Variants in ATXN1 observed in about 807,000 individuals in gnomAD.
ATXN1 encodes the protein ataxin 1, also known as ataxin-1.
ATXN1 carries 8 observed loss-of-function variants against 56.4 expected under a neutral mutation model. That is an observed-to-expected ratio of 0.14 (90% CI 0.08 to 0.26). The LOEUF (loss-of-function observed/expected upper bound fraction) is 0.26, where lower values mean the gene tolerates loss of function less well. ATXN1 is among the 10% of genes least tolerant of loss of function. The pLI is 1.00. For synonymous variants in ATXN1, 514 were observed against 494.6 expected, an observed-to-expected ratio of 1.04 and a Z score of -0.52; for missense variants, 987 against 1,106.5, an observed-to-expected ratio of 0.89 and a Z score of 1.53.
chr6:16,563,276 A>G (rs1442427984), intron 4 of ATXN1, among the ~76,000 whole-genome samples: 1 of 152,148 alleles, frequency 6.6e-6, no homozygotes, highest in Non-Finnish European at 1.5e-5. Context: ...TAGAAAAGCA[A>G]TGATGACTCT....
At position 16,486,032 on chromosome 6, in the gene ATXN1, C is replaced by G. The variant is rs552308928; in HGVS notation, c.-221G>C. The G allele has an allele frequency of 1.3e-5, 2 of 152,246 alleles. No homozygotes were observed. Among genetic ancestry groups the G allele is most frequent in the South Asian group, 4.2e-4 (2 of 4,806 alleles). 9.4% of individuals were successfully genotyped at this position (152,246 alleles called of 1,614,324 possible). A position where few individuals can be genotyped will look rare whatever the true frequency, so the allele number is the denominator to read the frequency against. On this transcript the variant is annotated 5_prime_UTR_variant, in exon 6 of 8. Transcript: ENST00000436367. ...CCTATACTTCACCATGGAGACTTCCCACAGGCTCTGGAGGGCTCCTGAGGG... is the reference window on the plus strand; with the variant it reads ...CCTATACTTCACCATGGAGACTTCCGACAGGCTCTGGAGGGCTCCTGAGGG...
rs544480269 is a variant in ATXN1, at chr6:16,756,473, A to G, written c.-729-3126T>C. On this transcript the variant is annotated intron_variant, in intron 1 of 7. Transcript: ENST00000436367. ...TTATTATTTCTATTACCATTTCTAC[A>G]ATGTATTGCTTTCAATGCTTTTATC... Among the ~76,000 whole-genome samples, 3 of 152,324 alleles carry G rather than the reference A, an allele frequency of 2.0e-5. 1 individual carries two copies. Among genetic ancestry groups the G allele is most frequent in the African/African-American group, 7.2e-5 (3 of 41,578 alleles).
intron 5 of ATXN1, among the ~76,000 whole-genome samples, chr6:16,519,923 G>A (rs1000585716): frequency 3.9e-5 from 6 of 152,318 alleles, no homozygotes; most frequent in Middle Eastern, 3.4e-3. Flanking sequence ...ACAGGCCCCA[G>A]GAGGGGAAAG....
intron 6 of ATXN1, among the ~76,000 whole-genome samples, chr6:16,440,570 G>A (rs1455947672): frequency 6.9e-6 from 1 of 145,630 alleles, no homozygotes. Context: ...GAACCCAGGA[G>A]CCAGAGGTTG....
At position 16,326,846 on chromosome 6, in the gene ATXN1, G is replaced by T; in HGVS notation, c.1465C>A (p.Pro489Thr). The change falls in exon 7 of 8, where the codon CCC (proline) becomes ACC (threonine). Residue 489 changes from proline (P) to threonine (T), a missense_variant. Physicochemically the swap from Pro to Thr is conservative, Grantham distance 38. Around this residue, in one of 3 missense-constraint regions of ATXN1, gnomAD observed 723 missense variants for 791.7 expected, o/e 0.91. Transcript: ENST00000436367. The surrounding 1 kb of genome is among the most constrained non-coding windows in gnomAD (Gnocchi z 6.6). ...PQHLVIPGTQ[P>T]LLIPVGSTDM... The stretch of plus-strand genomic sequence containing the variant: ...GTGCTGCCGACCGGGATGAGCAGGG[G>T]CTGTGTGCCGGGGATCACCAGGTGC... 6.2e-7 allele frequency: 1 copy of T among 1,609,260 alleles called. No homozygotes were observed. The highest frequency in any genetic ancestry group is 8.5e-7 in the Non-Finnish European group (1 of 1,176,506).
At chr6:16,541,142 T>C (rs916396194) in intron 4 of ATXN1, among the ~76,000 whole-genome samples, 4 of 152,188 alleles carry the variant, frequency 2.6e-5, no homozygotes, top group African/African-American at 9.6e-5. Flanking sequence ...CCCCGGTCAA[T>C]AGAGGCTGAG....
intron 3 of ATXN1, 77 bp downstream of exon 3, chr6:16,657,699 G>C (rs925862347): frequency 6.6e-6 from 1 of 152,210 alleles, no homozygotes; most frequent in African/African-American, 2.4e-5. Context: ...GCTTGAAGAA[G>C]AAGTTCTGGT....
intron 4 of ATXN1, among the ~76,000 whole-genome samples, chr6:16,580,767 C>T (rs1374563424): frequency 1.3e-5 from 2 of 152,104 alleles, no homozygotes; most frequent in Admixed American, 1.3e-4. Context: ...ACATATAAAA[C>T]ACAATATACT....
intron 3 of ATXN1, among the ~76,000 whole-genome samples, chr6:16,648,848 C>A (rs904111401): frequency 6.6e-6 from 1 of 151,968 alleles, no homozygotes; most frequent in African/African-American, 2.4e-5. Flanking sequence ...GAAGGCTGGG[C>A]AAGGCTATCA....
chr6:16,498,897 A>G (rs999152011), intron 5 of ATXN1, among the ~76,000 whole-genome samples: 9 of 152,206 alleles, frequency 5.9e-5, no homozygotes, highest in Non-Finnish European at 8.8e-5. Context: ...TATTCCAGAA[A>G]CTAGACCCTT....
At chr6:16,711,623 G>C (rs1039446860) in intron 2 of ATXN1, among the ~76,000 whole-genome samples, 4 of 150,848 alleles carry the variant, frequency 2.7e-5, no homozygotes, top group Non-Finnish European at 5.9e-5. Flanking sequence ...TATAGATATA[G>C]ATTGTTTGTT....
At chr6:16,629,454 C>T (rs887263860) in intron 3 of ATXN1, among the ~76,000 whole-genome samples, 1 of 151,896 alleles carries the variant, frequency 6.6e-6, no homozygotes, top group Non-Finnish European at 1.5e-5. Flanking sequence ...CAGCCTCCCG[C>T]GTAGCTGGGA....
At chr6:16,367,704 C>T (rs1761952665) in intron 6 of ATXN1, among the ~76,000 whole-genome samples, 1 of 137,908 alleles carries the variant, frequency 7.3e-6, no homozygotes, top group Non-Finnish European at 1.5e-5. Context: ...TTCTTCTTGC[C>T]TTGCAAGAAG....
chr6:16,677,998 T>G (rs1758722875), intron 2 of ATXN1, among the ~76,000 whole-genome samples: 3 of 152,254 alleles, frequency 2.0e-5, no homozygotes. Context: ...AAAAACTTGC[T>G]GCTCTAGCCA....
At chr6:16,352,038 T>C (rs188886310) in intron 6 of ATXN1, among the ~76,000 whole-genome samples, 4 of 152,358 alleles carry the variant, frequency 2.6e-5, no homozygotes, top group Admixed American at 6.5e-5. Flanking sequence ...CCCTTCAACA[T>C]TGAGACATTT....
intron 6 of ATXN1, among the ~76,000 whole-genome samples, chr6:16,462,765 AC>A (rs2113628395): frequency 1.3e-5 from 2 of 152,220 alleles, no homozygotes; most frequent in African/African-American, 4.8e-5. Flanking sequence ...CCCCTGGGGC[AC>A]CTACTATCCC....
In ATXN1 at chr6:16,610,801, A is replaced by T. The variant is rs566274409; in HGVS notation, c.-488-24894T>A. 1.1e-3 allele frequency among the ~76,000 whole-genome samples: 162 copies of T among 151,268 alleles called. 1 individual carries two copies. The highest frequency in any genetic ancestry group is 3.5e-4 in the Non-Finnish European group (24 of 67,856). On this transcript the variant is annotated intron_variant, in intron 3 of 7. Transcript: ENST00000436367. The stretch of plus-strand genomic sequence containing the variant: ...AACTTTGGGAGGCCGAGGTGGGAGG[A>T]TTGCTTGAGGCCAAGAGTTTAAAAC...
In ATXN1 at chr6:16,760,666, G is replaced by A. The variant is rs1184352117; in HGVS notation, c.-730+632C>T. On this transcript the variant is annotated intron_variant, in intron 1 of 7. Coordinates refer to ENST00000436367, the MANE Select transcript of ATXN1 (RefSeq NM_001128164.2). The surrounding 1 kb of genome is among the most constrained non-coding windows in gnomAD (Gnocchi z 5.3). ...GCACACCCGGCGAGGCCGGCCCTCC[G>A]AGGGGAGACCCCCGCCCCAGGGCGC... Among the ~76,000 whole-genome samples the A allele has an allele frequency of 2.7e-5, 4 of 150,916 alleles. No individual in the cohort carries two copies. Among genetic ancestry groups the A allele is most frequent in the African/African-American group, 9.7e-5 (4 of 41,210 alleles).
chr6:16,676,715 A>G (rs1473029175), intron 2 of ATXN1, among the ~76,000 whole-genome samples: 1 of 152,190 alleles, frequency 6.6e-6, no homozygotes, highest in African/African-American at 2.4e-5. Flanking sequence ...CTCACAAATT[A>G]AAGTTTCGGT....
Sources: allele counts gnomAD v4.1 joint callset (sites outside exome capture counted in the v4.1 genomes callset), GRCh38; gene constraint gnomAD v4.1.1; regional missense constraint gnomAD v4.1.1; non-coding constraint Gnocchi (gnomAD v3.1); transcripts MANE v1.5; gene names NCBI Gene and HGNC (gene_info 2026-07-23, HGNC 2026-07-21).